LSM3: variants seen among roughly 807,000 people sequenced by gnomAD.
The protein encoded by LSM3 is LSM3 homolog, U6 small nuclear RNA and mRNA degradation associated, also known as U6 snRNA-associated Sm-like protein LSm3.
In LSM3, 14 loss-of-function variants were observed where a neutral mutation model predicts 15.4. That is an observed-to-expected ratio of 0.91 (90% confidence interval 0.60 to 1.42). The LOEUF is 1.42. Among genes scored for constraint, LSM3 ranks in the 40% most tolerant of loss-of-function variants. The pLI is 0.00. For synonymous variants in LSM3, 46 were observed against 45.1 expected (o/e 1.02, Z -0.08); for missense variants, 88 against 127.9 (o/e 0.69, Z 1.50).
At chr3:14,194,355 TG>T (rs1430741595) in intron 3 of LSM3, among the ~76,000 whole-genome samples, 19 of 152,372 alleles carry the variant, frequency 1.2e-4, no homozygotes, top group African/African-American at 4.6e-4. Flanking sequence ...AGCCCCTGAC[TG>T]GGGCTGCTGC....
intron 3 of LSM3, among the ~76,000 whole-genome samples, chr3:14,197,638 G>C (rs187315960): frequency 6.6e-6 from 1 of 152,322 alleles, no homozygotes; most frequent in Admixed American, 6.5e-5. Flanking sequence ...GCCATCCCCT[G>C]AGCTCTCGCC....
intron 1 of LSM3, among the ~76,000 whole-genome samples, chr3:14,180,765 G>T (rs1247531662): frequency 6.9e-6 from 1 of 145,294 alleles, no homozygotes; most frequent in African/African-American, 2.6e-5. Context: ...TAAATGTCAG[G>T]TCACAGCCAG....
chr3:14,181,693 C>G, intron 2 of LSM3, 23 bp downstream of exon 2: 1 of 1,516,496 alleles, frequency 6.6e-7, no homozygotes, highest in African/African-American at 1.4e-5. Flanking sequence ...ATCAAGTTAC[C>G]TTGAAATCAG....
chr3:14,188,214 G>A (rs1249468146), intron 3 of LSM3, among the ~76,000 whole-genome samples: 1 of 152,014 alleles, frequency 6.6e-6, no homozygotes, highest in Admixed American at 6.5e-5. Context: ...TGTGATTAAG[G>A]AACTGCACAT....
intron 3 of LSM3, among the ~76,000 whole-genome samples, chr3:14,190,885 C>A (rs986961322): frequency 2.6e-5 from 4 of 152,126 alleles, no homozygotes; most frequent in African/African-American, 7.2e-5. Flanking sequence ...GGGAATGTTT[C>A]CAGGTTTTGC....
chr3:14,179,906 C>T (rs920557073), intron 1 of LSM3, among the ~76,000 whole-genome samples: 4 of 152,206 alleles, frequency 2.6e-5, no homozygotes, highest in African/African-American at 9.7e-5. Flanking sequence ...ATTTGTATGC[C>T]TCTCCACAGT....
At chr3:14,192,049 A>T (rs1034371869) in intron 3 of LSM3, among the ~76,000 whole-genome samples, 2 of 152,170 alleles carry the variant, frequency 1.3e-5, no homozygotes, top group African/African-American at 4.8e-5. Flanking sequence ...CCCAGTAGTC[A>T]TTCAGGAGCA....
At chr3:14,192,614 G>A (rs1308528826) in intron 3 of LSM3, among the ~76,000 whole-genome samples, 1 of 151,822 alleles carries the variant, frequency 6.6e-6, no homozygotes, top group African/African-American at 2.4e-5. Context: ...TGCTTTTTTT[G>A]CTTTCCATTC....
intron 3 of LSM3, among the ~76,000 whole-genome samples, chr3:14,192,084 T>A (rs1697145117): frequency 6.6e-6 from 1 of 152,194 alleles, no homozygotes; most frequent in African/African-American, 2.4e-5. Flanking sequence ...CATGTATTTG[T>A]GCGGTTTTGA....
intron 3 of LSM3, among the ~76,000 whole-genome samples, chr3:14,187,994 T>G (rs1697104807): frequency 6.6e-6 from 1 of 152,224 alleles, no homozygotes; most frequent in Admixed American, 6.5e-5. Flanking sequence ...ACAGTTTCTC[T>G]TGGGGACGTT....
At chr3:14,194,678 GAC>G (rs1238759436) in intron 3 of LSM3, among the ~76,000 whole-genome samples, 4 of 148,788 alleles carry the variant, frequency 2.7e-5, no homozygotes, top group Admixed American at 6.7e-5. Context: ...TCACCTATCA[GAC>G]ACACATGCAC....
intron 3 of LSM3, among the ~76,000 whole-genome samples, chr3:14,195,956 T>G (rs1287436642): frequency 2.6e-5 from 4 of 151,720 alleles, no homozygotes; most frequent in Admixed American, 2.0e-4. Context: ...TGAGTTTTTT[T>G]TTTTTTTTTT....
At chr3:14,180,268 C>A (rs993761363) in intron 1 of LSM3, among the ~76,000 whole-genome samples, 28 of 151,918 alleles carry the variant, frequency 1.8e-4, no homozygotes, top group African/African-American at 6.5e-4. Context: ...TAATAGGAAT[C>A]TTTTCTTTTC....
intron 3 of LSM3, among the ~76,000 whole-genome samples, chr3:14,188,154 C>A (rs1180825914): frequency 6.6e-6 from 1 of 152,296 alleles, no homozygotes; most frequent in East Asian, 1.9e-4. Context: ...GCTGTCATTA[C>A]AGGAGCTATG....
At chr3:14,189,879 A>G (rs955627197) in intron 3 of LSM3, among the ~76,000 whole-genome samples, 1 of 152,166 alleles carries the variant, frequency 6.6e-6, no homozygotes, top group African/African-American at 2.4e-5. Flanking sequence ...GCCCATGCCT[A>G]TGTCCTGAAT....
In LSM3 at chr3:14,198,235, A is replaced by T. The variant is rs1241447947; in HGVS notation, c.*119A>T. 10 of 730,448 alleles carry T rather than the reference A, an allele frequency of 1.4e-5. No individual in the cohort carries two copies. In the South Asian group the frequency reaches 1.5e-4, roughly 11 times the overall value. 45.2% of individuals were successfully genotyped at this position (730,448 alleles called of 1,614,324 possible). A position where few individuals can be genotyped will look rare whatever the true frequency, so the allele number is the denominator to read the frequency against. The stretch of plus-strand genomic sequence containing the variant: ...TTGATATTAAGAAATAATTCCGGGG[A>T]TTCTTCCACTCCTGAAATGAGTTGA... On this transcript the variant is annotated 3_prime_UTR_variant, in exon 4 of 4. Transcript: ENST00000306024.
At chr3:14,187,523 A>T (rs915619893) in intron 3 of LSM3, among the ~76,000 whole-genome samples, 1 of 152,260 alleles carries the variant, frequency 6.6e-6, no homozygotes, top group Non-Finnish European at 1.5e-5. Context: ...CAGTGATATT[A>T]TAGAGAGTGT....
intron 3 of LSM3, among the ~76,000 whole-genome samples, chr3:14,188,611 A>T (rs1697112318): frequency 6.6e-6 from 1 of 151,636 alleles, no homozygotes; most frequent in African/African-American, 2.4e-5. Flanking sequence ...AGTGTTAGTT[A>T]TTCTCCCTTC....
In LSM3 at chr3:14,200,528, T is replaced by C. The variant is rs1236132863; in HGVS notation, c.*2412T>C. ...GACTGGTGGTTTCTGCAATGAGGTG[T>C]CAGATTAGCCTAAGGGAAGCCTCTT... On this transcript the variant is annotated 3_prime_UTR_variant, in exon 4 of 4. Coordinates refer to ENST00000306024, the MANE Select transcript of LSM3 (RefSeq NM_014463.3). The C allele has an allele frequency of 2.0e-5, 3 of 152,212 alleles. No homozygotes were observed. The highest frequency in any genetic ancestry group is 7.2e-5 in the African/African-American group (3 of 41,430). 9.4% of individuals were successfully genotyped at this position (152,212 alleles called of 1,614,324 possible).
Sources: gnomAD v4.1 joint callset for allele counts (sites outside exome capture counted in the v4.1 genomes callset) on GRCh38, gnomAD v4.1.1 for gene constraint, MANE v1.5 for transcripts, NCBI Gene and HGNC (gene_info 2026-07-23, HGNC 2026-07-21) for gene names.